Variants in EPHX2 observed in about 807,000 individuals in gnomAD.
EPHX2 encodes bifunctional epoxide hydrolase 2.
EPHX2 carries 74 observed loss-of-function variants against 78.7 expected under a neutral mutation model. The observed-to-expected ratio is 0.94, with a 90% CI of 0.78 to 1.14. The LOEUF (loss-of-function observed/expected upper bound fraction) is 1.14. EPHX2 is among the 50% of genes most tolerant of loss of function. The pLI, the probability that EPHX2 is intolerant of heterozygous loss-of-function variation, is 0.00. For missense variants in EPHX2, 715 were observed against 702.5 expected (o/e 1.02, Z -0.20); for synonymous variants, 251 against 255.2 (o/e 0.98, Z 0.16).
In EPHX2 at chr8:27,537,580, C is replaced by T. The variant is rs536462861; in HGVS notation, c.1242+725C>T. On this transcript the variant is annotated intron_variant, in intron 13 of 18. Transcript: ENST00000521400. ...CCTGGACACTGCAGTGTCTGATCTG[C>T]AGTTTAACCTGTCTTTGAAGTTTTA... Among the ~76,000 whole-genome samples, 21 of 152,250 alleles carry T rather than the reference C, an allele frequency of 1.4e-4. 1 individual carries two copies. The highest frequency in any genetic ancestry group is 5.1e-4 in the African/African-American group (21 of 41,558).
Position 27,534,895 on chromosome 8 carries a change from C to T in EPHX2, c.1171-1889C>T, listed in dbSNP as rs1231088816. On this transcript the variant is annotated intron_variant, in intron 12 of 18. Coordinates refer to ENST00000521400, the MANE Select transcript of EPHX2 (RefSeq NM_001979.6). ...CCCCTTGGTGGTGGGAAAGATGGAA[C>T]CTCATGGAGAAGGCAGTGTTTGGGT... Among the ~76,000 whole-genome samples, 4 of 152,300 alleles carry T rather than the reference C, an allele frequency of 2.6e-5. No individual in the cohort carries two copies. In the East Asian group the frequency reaches 7.7e-4, roughly 29 times the overall value.
chr8:27,518,135 C>G, intron 9 of EPHX2, 63 bp downstream of exon 9: 1 of 1,401,714 alleles, frequency 7.1e-7, no homozygotes, highest in Non-Finnish European at 9.8e-7. Context: ...AAACCCGAAG[C>G]TGGGGTATCC....
intron 4 of EPHX2, 135 bp downstream of exon 4, chr8:27,505,281 C>A: frequency 1.2e-6 from 1 of 828,774 alleles, no homozygotes; most frequent in Non-Finnish European, 1.9e-6. Flanking sequence ...CAGACCACGT[C>A]TTCTCCTAGA....
intron 1 of EPHX2, among the ~76,000 whole-genome samples, chr8:27,492,653 C>A (rs934306200): frequency 6.6e-6 from 1 of 152,220 alleles, no homozygotes; most frequent in Non-Finnish European, 1.5e-5. Flanking sequence ...CCGCTACTGG[C>A]TGGGGTGGCC....
At chr8:27,538,719 A>G (rs1815291370) in intron 14 of EPHX2, 27 bp downstream of exon 14, 1 of 1,610,188 alleles carries the variant, frequency 6.2e-7, no homozygotes, top group African/African-American at 1.3e-5. Flanking sequence ...GGAGAGCCAT[A>G]TCTGGAACCA....
At chr8:27,507,073 A>G (rs1814038357) in intron 5 of EPHX2, 79 bp downstream of exon 5, 1 of 1,553,340 alleles carries the variant, frequency 6.4e-7, no homozygotes, top group Non-Finnish European at 8.7e-7. Flanking sequence ...ACGAGCAGAG[A>G]AGCTGCTGTC....
chr8:27,530,106 TAA>T (rs1322321097), intron 12 of EPHX2, among the ~76,000 whole-genome samples: 6 of 151,130 alleles, frequency 4.0e-5, no homozygotes, highest in African/African-American at 1.5e-4. Context: ...GGCTGGTCTC[TAA>T]GTCCTGGCGT....
intron 12 of EPHX2, among the ~76,000 whole-genome samples, chr8:27,530,069 T>C (rs1237210093): frequency 2.6e-5 from 2 of 77,636 alleles, no homozygotes; most frequent in African/African-American, 2.5e-4. Flanking sequence ...CTCTCTCTCT[T>C]TTTTTTTTTT....
chr8:27,537,432 T>G (rs1448163843), intron 13 of EPHX2, among the ~76,000 whole-genome samples: 2 of 152,214 alleles, frequency 1.3e-5, no homozygotes, highest in African/African-American at 4.8e-5. Context: ...ATTTTAATCT[T>G]GAAGAATCAT....
intron 9 of EPHX2, among the ~76,000 whole-genome samples, chr8:27,519,971 C>T (rs1360707924): frequency 2.0e-5 from 3 of 151,416 alleles, no homozygotes; most frequent in Non-Finnish European, 4.4e-5. Flanking sequence ...TCCCTCTGTG[C>T]GTGTCTGTGT....
chr8:27,525,383 T>C lies in EPHX2; in HGVS notation c.1080T>C (p.Thr360=), dbSNP rs1320403485. The change falls in exon 12 of 19, where the codon ACT becomes ACC. Residue 360 remains threonine (T), a synonymous_variant. Transcript: ENST00000521400. ...ERVRAVASLN[T]PFIPANPNMS... is the part of the protein sequence containing the mutation. ...GTAGGGCGGTGGCCAGTTTGAATAC[T>C]CCCTTCATACCAGCAAATCCCAACA... 6 of 1,614,172 alleles carry C rather than the reference T, an allele frequency of 3.7e-6. No homozygotes were observed. Among genetic ancestry groups the C allele is most frequent in the Non-Finnish European group, 8.5e-7 (1 of 1,180,030 alleles).
At chr8:27,508,537 G>A (rs1464812589) in intron 5 of EPHX2, among the ~76,000 whole-genome samples, 2 of 152,154 alleles carry the variant, frequency 1.3e-5, no homozygotes, top group Non-Finnish European at 2.9e-5. Context: ...TTGGGCTCAG[G>A]GAACCCATGT....
In EPHX2 at chr8:27,506,994, G is replaced by A. The variant is rs773397388; in HGVS notation, c.660G>A (p.Gln220=). 3.7e-6 allele frequency: 6 copies of A among 1,613,560 alleles called. No homozygotes were observed. In the African/African-American group the frequency reaches 8.0e-5, roughly 22 times the overall value. Residue 220 remains glutamine, a splice_region_variant and synonymous_variant, in exon 5 of 19, where the codon CAG becomes CAA. Coordinates refer to ENST00000521400, the MANE Select transcript of EPHX2 (RefSeq NM_001979.6). ...AACTGGAGAAAGTGACCGGAATCCA[G>A]GTAACTTGACTTCTGAGCGAGCCAA... The part of the protein sequence containing the change: ...LKELEKVTGI[Q]LLNTPAPLPT...
chr8:27,516,033 A>C (rs1814437362), intron 7 of EPHX2, among the ~76,000 whole-genome samples: 1 of 152,110 alleles, frequency 6.6e-6, no homozygotes, highest in Non-Finnish European at 1.5e-5. Context: ...TCTTTAAGAC[A>C]CTCCATGCCC....
chr8:27,504,950 G>A lies in EPHX2; in HGVS notation c.347-6G>A. 6.2e-7 allele frequency: 1 copy of A among 1,613,500 alleles called. No individual in the cohort carries two copies. The highest frequency in any genetic ancestry group is 8.5e-7 in the Non-Finnish European group (1 of 1,179,978). The stretch of plus-strand genomic sequence containing the variant: ...CTGGTCTATCTACTGGTGGCTTTTT[G>A]CTCAGGATTCACTACTGCCATCCTC... On this transcript the variant is annotated splice_region_variant and splice_polypyrimidine_tract_variant and intron_variant, in intron 3 of 18. Coordinates refer to ENST00000521400, the MANE Select transcript of EPHX2 (RefSeq NM_001979.6).
In EPHX2 at chr8:27,491,181, C is replaced by A; in HGVS notation, c.-28C>A. ...CGCATCTCCCAGGTTAGCTGCGTGT[C>A]CGGGTGCTAGGCTGCAGACCCGCCG... On this transcript the variant is annotated 5_prime_UTR_variant, in exon 1 of 19. Coordinates refer to ENST00000521400, the MANE Select transcript of EPHX2 (RefSeq NM_001979.6). 6.4e-7 allele frequency: 1 copy of A among 1,555,522 alleles called. No homozygotes were observed. Among genetic ancestry groups the A allele is most frequent in the Non-Finnish European group, 8.6e-7 (1 of 1,158,810 alleles).
chr8:27,534,718 C>T (rs1815155995), intron 12 of EPHX2, among the ~76,000 whole-genome samples: 1 of 152,228 alleles, frequency 6.6e-6, no homozygotes. Flanking sequence ...GGAACGAAAG[C>T]TTTGTGGATG....
At chr8:27,545,778 G>A (rs1347734208), downstream of EPHX2, among the ~76,000 whole-genome samples, 1 of 152,168 alleles carries the variant, frequency 6.6e-6, no homozygotes, top group Non-Finnish European at 1.5e-5. Flanking sequence ...TCCAAGCTGA[G>A]TTTGGCATGA....
At chr8:27,525,093 TGTGTGTGTGTGTGTGCGC>T (rs1481710651) in intron 11 of EPHX2, among the ~76,000 whole-genome samples, 7 of 145,390 alleles carry the variant, frequency 4.8e-5, no homozygotes, top group African/African-American at 8.0e-5. Context: ...TGTGTGTGTG[TGTGTGTGTGTGTGTGCGC>T]GCGCGCGCGC....
Sources: allele counts gnomAD v4.1 joint callset (sites outside exome capture counted in the v4.1 genomes callset), GRCh38; gene constraint gnomAD v4.1.1; transcripts MANE v1.5; gene names NCBI Gene and HGNC (gene_info 2026-07-23, HGNC 2026-07-21).